The following CDH13 variants were observed in gnomAD, a reference collection of about 807,000 sequenced individuals.
CDH13 encodes cadherin-13.
In CDH13, 24 loss-of-function variants were observed where a neutral mutation model predicts 63.8. The ratio of observed to expected loss-of-function variants is 0.38; its 90% CI spans 0.27 to 0.53. The LOEUF (loss-of-function observed/expected upper bound fraction) is 0.53, where lower values mean the gene tolerates loss of function less well. CDH13 is among the 20% of genes least tolerant of loss of function. The probability of loss-of-function intolerance (pLI) is 0.85; values close to 1 mark genes in which losing one functional copy is unlikely to be tolerated. For missense variants in CDH13, 1,049 were observed against 903.1 expected (o/e 1.16, Z -2.07); for synonymous variants, 503 against 355.3 (o/e 1.42, Z -4.67).
intron 10 of CDH13, among the ~76,000 whole-genome samples, chr16:83,684,563 A>G (rs759661445): frequency 1.3e-4 from 20 of 152,226 alleles, no homozygotes; most frequent in Non-Finnish European, 2.9e-4. Flanking sequence ...CTTTCTCTCT[A>G]CAATCAAGGG....
intron 1 of CDH13, among the ~76,000 whole-genome samples, chr16:82,811,877 G>T (rs919399387): frequency 1.3e-5 from 2 of 152,264 alleles, no homozygotes; most frequent in East Asian, 3.9e-4. Context: ...AAGGGCCCAG[G>T]TTTAGGGAAG....
At chr16:83,573,702 G>A (rs1780017696) in intron 7 of CDH13, among the ~76,000 whole-genome samples, 1 of 152,122 alleles carries the variant, frequency 6.6e-6, no homozygotes, top group African/African-American at 2.4e-5. Flanking sequence ...TGTCAATGAG[G>A]CTGCATTTTT....
At chr16:83,377,535 T>G (rs1210291956) in intron 6 of CDH13, among the ~76,000 whole-genome samples, 5 of 152,216 alleles carry the variant, frequency 3.3e-5, no homozygotes, top group Middle Eastern at 3.2e-3. Flanking sequence ...CATAGTAGTA[T>G]TATTTCACTC....
At chr16:83,581,810 C>T (rs368793204) in intron 7 of CDH13, among the ~76,000 whole-genome samples, 2 of 152,088 alleles carry the variant, frequency 1.3e-5, no homozygotes, top group African/African-American at 4.8e-5. Flanking sequence ...CAGAGCAAGA[C>T]CCTGTCTCAA....
At chr16:82,731,648 C>T (rs148150739) in intron 1 of CDH13, among the ~76,000 whole-genome samples, 2 of 152,180 alleles carry the variant, frequency 1.3e-5, no homozygotes, top group Non-Finnish European at 2.9e-5. Flanking sequence ...GGGAACCACA[C>T]TTGCTCATCA....
rs147520543 is a variant in CDH13 at position 83,184,213 on chromosome 16, A to G, written c.484-33132A>G. Among the ~76,000 whole-genome samples, 15 of 151,878 alleles carry G rather than the reference A, an allele frequency of 9.9e-5. No individual in the cohort carries two copies. The East Asian group carries it at 2.9e-3, about 29-fold the overall frequency. ...TCTGGCTTGAATATATTTTGTAGTA[A>G]ATTTCCCCATCTAGAGGCTCATGAG... On this transcript the variant is annotated intron_variant, in intron 4 of 13. Coordinates refer to ENST00000567109, the MANE Select transcript of CDH13 (RefSeq NM_001257.5).
chr16:82,793,799 C>G (rs1051712071), intron 1 of CDH13, among the ~76,000 whole-genome samples: 1 of 152,104 alleles, frequency 6.6e-6, no homozygotes, highest in African/African-American at 2.4e-5. Flanking sequence ...GATTAGAAGG[C>G]TTAGAGATGA....
intron 6 of CDH13, among the ~76,000 whole-genome samples, chr16:83,432,522 C>T (rs999800263): frequency 1.3e-5 from 2 of 152,180 alleles, no homozygotes; most frequent in Admixed American, 6.5e-5. Flanking sequence ...GGATCCCCTC[C>T]TCTCCTCACC....
intron 6 of CDH13, among the ~76,000 whole-genome samples, chr16:83,428,358 C>T (rs1368754432): frequency 2.1e-5 from 3 of 144,122 alleles, no homozygotes; most frequent in African/African-American, 5.2e-5. Context: ...TTAGTTTGAC[C>T]TCCATGGTTA....
chr16:82,751,500 T>C (rs912891419), intron 1 of CDH13, among the ~76,000 whole-genome samples: 1 of 152,070 alleles, frequency 6.6e-6, no homozygotes, highest in Non-Finnish European at 1.5e-5. Context: ...AGCACCTCAT[T>C]GCAACTAGCA....
At chr16:83,028,168 G>A (rs930955830) in intron 2 of CDH13, among the ~76,000 whole-genome samples, 8 of 152,164 alleles carry the variant, frequency 5.3e-5, no homozygotes, top group African/African-American at 4.8e-5. Flanking sequence ...GTCATTTCCT[G>A]TGAGGCCTTG....
At chr16:83,473,317 G>A (rs895600693) in intron 6 of CDH13, among the ~76,000 whole-genome samples, 1 of 152,172 alleles carries the variant, frequency 6.6e-6, no homozygotes, top group African/African-American at 2.4e-5. Flanking sequence ...TATCAAGTTG[G>A]AGAACACATG....
At chr16:83,724,522 A>T (rs1221410960) in intron 10 of CDH13, among the ~76,000 whole-genome samples, 1 of 152,120 alleles carries the variant, frequency 6.6e-6, no homozygotes, top group Non-Finnish European at 1.5e-5. Flanking sequence ...GAGTCGGTGG[A>T]TGAATGCATG....
At chr16:83,392,352 A>G (rs2091804791) in intron 6 of CDH13, among the ~76,000 whole-genome samples, 1 of 152,210 alleles carries the variant, frequency 6.6e-6, no homozygotes, top group Non-Finnish European at 1.5e-5. Context: ...TGGCTATTAT[A>G]TATAACTTAT....
chr16:83,248,275 G>A (rs1467192829), intron 5 of CDH13, among the ~76,000 whole-genome samples: 2 of 152,140 alleles, frequency 1.3e-5, no homozygotes, highest in Non-Finnish European at 2.9e-5. Flanking sequence ...TGGGTGAGAA[G>A]AAGGAGAAAC....
chr16:83,546,950 A>C (rs2075397706), intron 7 of CDH13, among the ~76,000 whole-genome samples: 1 of 152,164 alleles, frequency 6.6e-6, no homozygotes, highest in Admixed American at 6.5e-5. Context: ...GCACAACAAA[A>C]ACACGGACCG....
intron 3 of CDH13, among the ~76,000 whole-genome samples, chr16:83,090,604 C>T (rs970861252): frequency 6.6e-6 from 1 of 151,496 alleles, no homozygotes; most frequent in Admixed American, 6.6e-5. Flanking sequence ...GTGCTTGTCT[C>T]TGCTCAAAGA....
chr16:83,225,823 C>G (rs1366207330), intron 5 of CDH13, among the ~76,000 whole-genome samples: 1 of 152,166 alleles, frequency 6.6e-6, no homozygotes, highest in Non-Finnish European at 1.5e-5. Context: ...TGTTGTGTTA[C>G]TATAACTTGT....
chr16:83,117,461 C>T (rs143262364), intron 3 of CDH13, among the ~76,000 whole-genome samples: 3 of 152,222 alleles, frequency 2.0e-5, no homozygotes, highest in Non-Finnish European at 2.9e-5. Context: ...ACCCTCTCCC[C>T]CTGAGCACTT....
Sources: gnomAD v4.1 joint callset for allele counts (sites outside exome capture counted in the v4.1 genomes callset) on GRCh38, gnomAD v4.1.1 for gene constraint, MANE v1.5 for transcripts, NCBI Gene and HGNC (gene_info 2026-07-23, HGNC 2026-07-21) for gene names.